L3HYPDH: variants seen among roughly 807,000 people sequenced by gnomAD.
L3HYPDH encodes the protein trans-L-3-hydroxyproline dehydratase.
In L3HYPDH, 32 loss-of-function variants were observed where a neutral mutation model predicts 26.5. The observed-to-expected ratio is 1.21, with a 90% CI of 0.91 to 1.62. The LOEUF is 1.62. Among genes scored for constraint, L3HYPDH ranks in the 40% most tolerant of loss-of-function variants. The probability of loss-of-function intolerance (pLI) is 0.00; values close to 1 mark genes in which losing one functional copy is unlikely to be tolerated. For missense variants in L3HYPDH, 554 were observed against 476.4 expected, an observed-to-expected ratio of 1.16 and a Z score of -1.52; for synonymous variants, 215 against 196.6, an observed-to-expected ratio of 1.09 and a Z score of -0.78.
At chr14:59,474,821 T>G in intron 4 of L3HYPDH, 1 of 270,080 alleles carries the variant, frequency 3.7e-6, no homozygotes, top group Non-Finnish European at 6.9e-6. Flanking sequence ...TAAATGTATG[T>G]TGTTATTTTT....
chr14:59,475,658 C>G (rs1406331087), intron 4 of L3HYPDH, among the ~76,000 whole-genome samples: 1 of 152,182 alleles, frequency 6.6e-6, no homozygotes, highest in African/African-American at 2.4e-5. Context: ...AGTTTTGACC[C>G]TCTGAACCCA....
chr14:59,484,396 A>G lies in L3HYPDH; in HGVS notation c.-80T>C, dbSNP rs1420828376. On this transcript the variant is annotated 5_prime_UTR_variant, in exon 1 of 5. Coordinates refer to ENST00000247194, the MANE Select transcript of L3HYPDH (RefSeq NM_144581.2). ...CCTCACCCACTGACTCCGCGGGAGG[A>G]GGGCGGGACGCTAACCAGCCACGTC... The G allele has an allele frequency of 2.1e-6, 3 of 1,453,154 alleles. No homozygotes were observed. The highest frequency in any genetic ancestry group is 2.8e-6 in the Non-Finnish European group (3 of 1,075,046). 90.0% of individuals were successfully genotyped at this position (1,453,154 alleles called of 1,614,324 possible).
the L3HYPDH span, among the ~76,000 whole-genome samples, chr14:59,501,934 A>G: frequency 3.3e-5 from 5 of 152,178 alleles, no homozygotes; most frequent in Admixed American, 1.3e-4. Context: ...ATCTTTTGAC[A>G]CATTTGTAGT....
chr14:59,500,055 C>G, the L3HYPDH span, among the ~76,000 whole-genome samples: 1 of 152,088 alleles, frequency 6.6e-6, no homozygotes, highest in African/African-American at 2.4e-5. Flanking sequence ...CTCTTTATTC[C>G]TTTTTACTGT....
At chr14:59,500,975 A>T in the L3HYPDH span, 1 of 480,558 alleles carries the variant, frequency 2.1e-6, no homozygotes, top group Non-Finnish European at 3.7e-6. Context: ...AGAGCTGGGT[A>T]ATCGAGACAG....
chr14:59,502,755 T>TGTTTTGTTTTGTTTTGTTTTTTTATTTTG, the L3HYPDH span, among the ~76,000 whole-genome samples: 2 of 122,918 alleles, frequency 1.6e-5, 1 homozygote, highest in Admixed American at 1.8e-4. Flanking sequence ...ATGAGATTTT[T>TGTTTTGTTTTGTTTTGTTTTTTTATTTTG]TTTTTTTTTT....
chr14:59,499,735 G>A, the L3HYPDH span, among the ~76,000 whole-genome samples: 90 of 152,220 alleles, frequency 5.9e-4, 2 homozygotes, highest in South Asian at 0.018. Flanking sequence ...TTTGGTTCAA[G>A]GTGATGGTGG....
downstream of L3HYPDH, among the ~76,000 whole-genome samples, chr14:59,470,665 G>A (rs1010697354): frequency 3.3e-5 from 5 of 152,106 alleles, no homozygotes; most frequent in South Asian, 4.1e-4. Context: ...AGCAAGCAGC[G>A]GGGGCCACCA....
downstream of L3HYPDH, among the ~76,000 whole-genome samples, chr14:59,470,211 A>G (rs60940676): frequency 2.0e-5 from 3 of 152,170 alleles, no homozygotes; most frequent in African/African-American, 7.2e-5. Flanking sequence ...AGGATTACCC[A>G]AACAGGTAAT....
the L3HYPDH span, chr14:59,505,001 C>G: frequency 3.1e-6 from 1 of 323,426 alleles, no homozygotes; most frequent in Non-Finnish European, 5.7e-6. Flanking sequence ...CCTTAAGACT[C>G]ATGGTTGCAA....
upstream of L3HYPDH, chr14:59,484,767 C>T: frequency 4.2e-6 from 4 of 952,560 alleles, no homozygotes; most frequent in Admixed American, 8.4e-5. Context: ...TTGGGGTGGT[C>T]TGTCCGCAAC....
At chr14:59,469,674 G>A (rs1439452310), downstream of L3HYPDH, among the ~76,000 whole-genome samples, 1 of 150,616 alleles carries the variant, frequency 6.6e-6, no homozygotes, top group Non-Finnish European at 1.5e-5. Context: ...AGAGGACAAA[G>A]ATTGTGAATA....
In L3HYPDH at chr14:59,484,355, T is replaced by C. The variant is rs751104536; in HGVS notation, c.-39A>G. On this transcript the variant is annotated 5_prime_UTR_variant, in exon 1 of 5. Coordinates refer to ENST00000247194, the MANE Select transcript of L3HYPDH (RefSeq NM_144581.2). The stretch of plus-strand genomic sequence containing the variant: ...GGAGACGAGTACGGTCCCGCAGCTA[T>C]GGCTTCAAGCCCGACCCTCACCCAC... 9.4e-5 allele frequency: 146 copies of C among 1,546,104 alleles called. No homozygotes were observed. The highest frequency in any genetic ancestry group is 4.3e-4 in the Admixed American group (24 of 56,260).
At chr14:59,497,514 A>G in the L3HYPDH span, among the ~76,000 whole-genome samples, 4 of 152,228 alleles carry the variant, frequency 2.6e-5, no homozygotes, top group Non-Finnish European at 5.9e-5. Flanking sequence ...TTAAGGAATT[A>G]CAAGTTGTGG....
chr14:59,475,388 C>T (rs2139805341), intron 4 of L3HYPDH, among the ~76,000 whole-genome samples: 1 of 152,204 alleles, frequency 6.6e-6, no homozygotes, highest in Non-Finnish European at 1.5e-5. Context: ...ACCCATTATA[C>T]ATTAACATAT....
At chr14:59,502,759 T>TTTTTTCTTTGTTTTTG in the L3HYPDH span, among the ~76,000 whole-genome samples, 3 of 131,006 alleles carry the variant, frequency 2.3e-5, no homozygotes, top group Non-Finnish European at 4.9e-5. Context: ...GATTTTTTTT[T>TTTTTTCTTTGTTTTTG]TTTTTTTTTT....
At chr14:59,487,766 T>C (rs1890689427), upstream of L3HYPDH, 1 of 1,613,460 alleles carries the variant, frequency 6.2e-7, no homozygotes, top group Non-Finnish European at 8.5e-7. Context: ...ATCTTGGATT[T>C]ATGGCAATGC....
upstream of L3HYPDH, chr14:59,487,644 T>C (rs778836736): frequency 1.3e-6 from 2 of 1,554,726 alleles, no homozygotes; most frequent in South Asian, 1.1e-5. Flanking sequence ...ATAATATCTG[T>C]ACACAAAATA....
intron 1 of L3HYPDH, among the ~76,000 whole-genome samples, chr14:59,466,402 C>T (rs1889180729): frequency 6.6e-6 from 1 of 152,162 alleles, no homozygotes; most frequent in South Asian, 2.1e-4. Flanking sequence ...TTAACTAACC[C>T]TGGGCTCTTC....
Sources: allele counts gnomAD v4.1 joint callset (sites outside exome capture counted in the v4.1 genomes callset), GRCh38; gene constraint gnomAD v4.1.1; transcripts MANE v1.5; gene names NCBI Gene and HGNC (gene_info 2026-07-23, HGNC 2026-07-21).